Variants in MED23 observed in about 807,000 individuals in gnomAD.
MED23 encodes mediator of RNA polymerase II transcription subunit 23.
MED23 carries 105 observed loss-of-function variants against 163.9 expected under a neutral mutation model. That is an observed-to-expected ratio of 0.64 (90% CI 0.55 to 0.75). The LOEUF (loss-of-function observed/expected upper bound fraction) is 0.75. MED23 is among the 30% of genes least tolerant of loss of function. MED23 has a pLI of 0.00. For synonymous variants in MED23, 561 were observed against 565.6 expected, an observed-to-expected ratio of 0.99 and a Z score of 0.12; for missense variants, 1,054 against 1,649.0, an observed-to-expected ratio of 0.64 and a Z score of 6.25.
intron 10 of MED23, chr6:131,615,661 T>C (rs751850495): frequency 1.7e-6 from 1 of 598,156 alleles, no homozygotes; most frequent in Non-Finnish European, 2.9e-6. Flanking sequence ...TACTTGAAAC[T>C]GGCCTTATAG....
At chr6:131,608,197 A>G (rs1775998205) in intron 11 of MED23, 126 bp from the exon 12 acceptor site, 1 of 1,031,500 alleles carries the variant, frequency 9.7e-7, no homozygotes, top group Non-Finnish European at 1.5e-6. Context: ...GAAAGTCAGC[A>G]TCTAACTTTG....
chr6:131,624,734 T>C (rs1025240624), intron 4 of MED23, 131 bp downstream of exon 4: 24 of 973,072 alleles, frequency 2.5e-5, no homozygotes, highest in African/African-American at 4.9e-5. Context: ...TGAGGTATTA[T>C]ATAAAGGATT....
chr6:131,620,422 GC>G (rs1444815871), intron 7 of MED23, among the ~76,000 whole-genome samples: 1 of 151,950 alleles, frequency 6.6e-6, no homozygotes, highest in Non-Finnish European at 1.5e-5. Flanking sequence ...AGTAGCTGGG[GC>G]TATAGGCATG....
intron 9 of MED23, among the ~76,000 whole-genome samples, chr6:131,616,298 C>T (rs1301205225): frequency 6.6e-6 from 1 of 152,150 alleles, no homozygotes; most frequent in Non-Finnish European, 1.5e-5. Flanking sequence ...GCACTTTCTA[C>T]TATCCTTTCC....
rs769094287 is a variant in MED23 at position 131,594,118 on chromosome 6, C to T, written c.3213G>A (p.Leu1071=). 1.9e-6 allele frequency: 3 copies of T among 1,613,766 alleles called. No individual in the cohort carries two copies. The African/African-American group carries it at 4.0e-5, about 22-fold the overall frequency. The change falls in exon 23 of 29, where the codon TTG becomes TTA. Residue 1071 remains leucine (L), a synonymous_variant. Transcript: ENST00000368068. ...GGATATTATCGACTAGTCTGCCAAT[C>T]AATCTGCAATAGTAGGTGTCATCTG... The part of the protein sequence containing the change: ...WVPDDTYYCR[L]IGRLVDTMAG...
At chr6:131,583,082 A>G (rs761361984), downstream of MED23, 3 of 1,613,526 alleles carry the variant, frequency 1.9e-6, no homozygotes, top group Non-Finnish European at 2.5e-6. Flanking sequence ...AACTCTAGGC[A>G]TTAAATACTT....
intron 12 of MED23, 32 bp from the exon 13 acceptor site, chr6:131,606,656 T>C: frequency 6.6e-7 from 1 of 1,524,394 alleles, no homozygotes; most frequent in South Asian, 1.1e-5. Context: ...AATAACACAA[T>C]AGAAGAAAGA....
At chr6:131,593,963 A>T in intron 23 of MED23, 136 bp downstream of exon 23, 2 of 686,676 alleles carry the variant, frequency 2.9e-6, no homozygotes, top group Non-Finnish European at 4.8e-6. Context: ...ATCTTTACAG[A>T]GATGAAAATG....
intron 4 of MED23, 76 bp downstream of exon 4, chr6:131,624,789 A>G: frequency 6.6e-7 from 1 of 1,521,468 alleles, no homozygotes; most frequent in Non-Finnish European, 9.1e-7. Flanking sequence ...ACCTTTTTAC[A>G]ACAACAACCT....
intron 23 of MED23, among the ~76,000 whole-genome samples, chr6:131,593,761 G>A (rs988774414): frequency 2.1e-4 from 32 of 151,818 alleles, no homozygotes; most frequent in African/African-American, 5.8e-4. Context: ...AAGATCCTAC[G>A]TTCTCCAGTA....
At position 131,625,064 on chromosome 6, in the gene MED23, G is replaced by C. The variant is rs1777385874; in HGVS notation, c.160-75C>G. On this transcript the variant is annotated intron_variant, in intron 3 of 28. Coordinates refer to ENST00000368068, the MANE Select transcript of MED23 (RefSeq NM_004830.4). ...TAACCAATAGCTAATACTACAACTG[G>C]AAGTATACCAATACTATGAAAGAAA... 3.5e-6 allele frequency: 5 copies of C among 1,443,344 alleles called. No homozygotes were observed. The East Asian group carries it at 1.1e-4, about 33-fold the overall frequency. The allele number at this position is 1,443,344 out of a possible 1,614,324, so 89.4% of individuals were successfully genotyped here. A position where few individuals can be genotyped will look rare whatever the true frequency, so the allele number is the denominator to read the frequency against.
Position 131,615,967 on chromosome 6 carries a change from A to G in MED23, c.816T>C (p.Tyr272=). The G allele has an allele frequency of 1.2e-6, 2 of 1,613,848 alleles. No homozygotes were observed. Among genetic ancestry groups the G allele is most frequent in the Non-Finnish European group, 1.7e-6 (2 of 1,179,856 alleles). ...CCCTGGAATAAGGCTGCTCCAATACATATCTCAACAAAGCAGTCTGTGGTT... is the reference window on the plus strand; with the variant it reads ...CCCTGGAATAAGGCTGCTCCAATACGTATCTCAACAAAGCAGTCTGTGGTT... ...LFEPQTALLR[Y]VLEQPYSRDM... The change falls in exon 10 of 29, where the codon TAT becomes TAC. Residue 272 remains tyrosine, a synonymous_variant. Coordinates refer to ENST00000368068, the MANE Select transcript of MED23 (RefSeq NM_004830.4).
At chr6:131,627,000 G>T in intron 3 of MED23, 1 of 163,652 alleles carries the variant, frequency 6.1e-6, no homozygotes, top group Admixed American at 6.2e-5. Flanking sequence ...TATTCCTATT[G>T]TAGCATCTTT....
chr6:131,600,275 T>G, intron 17 of MED23, 113 bp from the exon 18 acceptor site: 17 of 1,026,446 alleles, frequency 1.7e-5, no homozygotes, highest in Non-Finnish European at 2.5e-5. Context: ...TGCAGTGCAT[T>G]CACTGCTTAA....
At position 131,627,464 on chromosome 6, in the gene MED23, C is replaced by T; in HGVS notation, c.91G>A (p.Glu31Lys). ...CTAATTAGTTTTGTTTTCTCATCTT[C>T]AGGAGTATCCATAAACATGCTAAAA... ...AFPGMFMDTP[E>K]DEKTKLISCL... The change falls in exon 3 of 29, where the codon GAA becomes AAA. Residue 31 changes from glutamate to lysine, a missense_variant. Glu to Lys is a moderately conservative substitution (Grantham distance 56, BLOSUM62 1). Coordinates refer to ENST00000368068, the MANE Select transcript of MED23 (RefSeq NM_004830.4). The T allele has an allele frequency of 1.2e-6, 2 of 1,613,422 alleles. No homozygotes were observed. Among genetic ancestry groups the T allele is most frequent in the Non-Finnish European group, 1.7e-6 (2 of 1,179,762 alleles).
Position 131,605,498 on chromosome 6 carries a change from G to A in MED23, c.1368-13C>T, listed in dbSNP as rs377482101. 4.6e-5 allele frequency: 71 copies of A among 1,546,960 alleles called. No homozygotes were observed. In the South Asian group the frequency reaches 5.3e-4, roughly 11 times the overall value. On this transcript the variant is annotated splice_polypyrimidine_tract_variant and intron_variant, in intron 13 of 28. Coordinates refer to ENST00000368068, the MANE Select transcript of MED23 (RefSeq NM_004830.4). The stretch of plus-strand genomic sequence containing the variant: ...CTGCTGCAGGAACCTAAATATTCAC[G>A]TTCCATTAAAAAGAAAAAATGAAAA...
In MED23 at chr6:131,591,336, G is replaced by A. The variant is rs1440953777; in HGVS notation, c.3663C>T (p.Ile1221=). Reference sequence around the variant, plus strand: ...ACTTTGGAATGAGAGAAAGTTGTCCGATGCTAGAATGGTGCCACACAGCAT... The same window carrying A: ...ACTTTGGAATGAGAGAAAGTTGTCCAATGCTAGAATGGTGCCACACAGCAT... The part of the protein sequence containing the change: ...LAHAVWHHSS[I]GQLSLIPKFL... Residue 1221 remains isoleucine (I), a synonymous_variant, in exon 26 of 29, where the codon ATC becomes ATT. Transcript: ENST00000368068. 8.7e-6 allele frequency: 14 copies of A among 1,612,424 alleles called. No homozygotes were observed. Among genetic ancestry groups the A allele is most frequent in the Middle Eastern group, 1.6e-4 (1 of 6,080 alleles).
rs1275205100 is a variant in MED23, at chr6:131,591,332, G to A, written c.3667C>T (p.Gln1223Ter). ...HAVWHHSSIG[Q>*]LSLIPKFLTE... Reference sequence around the variant, plus strand: ...ACTTACTTTGGAATGAGAGAAAGTTGTCCGATGCTAGAATGGTGCCACACA... The same window carrying A: ...ACTTACTTTGGAATGAGAGAAAGTTATCCGATGCTAGAATGGTGCCACACA... Residue 1223 changes from glutamine (Q) to a stop codon, truncating the protein, a stop_gained, in exon 26 of 29, where the codon CAA becomes TAA. Coordinates refer to ENST00000368068, the MANE Select transcript of MED23 (RefSeq NM_004830.4). LOFTEE classifies it high-confidence loss of function. 1 of 1,611,820 alleles carries A rather than the reference G, an allele frequency of 6.2e-7. No individual in the cohort carries two copies. Among genetic ancestry groups the A allele is most frequent in the African/African-American group, 1.3e-5 (1 of 74,840 alleles).
intron 17 of MED23, among the ~76,000 whole-genome samples, chr6:131,601,236 T>A (rs1361948626): frequency 6.6e-6 from 1 of 152,218 alleles, no homozygotes; most frequent in Non-Finnish European, 1.5e-5. Context: ...TTGGAAAACC[T>A]GTATCTACCA....
Sources: gnomAD v4.1 joint callset for allele counts (sites outside exome capture counted in the v4.1 genomes callset) on GRCh38, gnomAD v4.1.1 for gene constraint, MANE v1.5 for transcripts, NCBI Gene and HGNC (gene_info 2026-07-23, HGNC 2026-07-21) for gene names.